PPP2R3B: variants seen among roughly 807,000 people sequenced by gnomAD.
PPP2R3B encodes the protein serine/threonine-protein phosphatase 2A regulatory subunit B'' subunit beta.
In PPP2R3B, 68 loss-of-function variants were observed where a neutral mutation model predicts 72.9. The ratio of observed to expected loss-of-function variants is 0.93; its 90% confidence interval spans 0.77 to 1.14. The LOEUF (loss-of-function observed/expected upper bound fraction) is 1.14. PPP2R3B is among the 50% of genes most tolerant of loss of function. PPP2R3B has a pLI of 0.00. For missense variants in PPP2R3B, 1,018 were observed against 842.0 expected, an observed-to-expected ratio of 1.21 and a Z score of -2.59; for synonymous variants, 466 against 375.8, an observed-to-expected ratio of 1.24 and a Z score of -2.78.
intron 10 of PPP2R3B, 123 bp downstream of exon 10, chrX:340,642 T>G: frequency 1.1e-5 from 1 of 89,812 alleles, no homozygotes; most frequent in Non-Finnish European, 1.5e-5. Flanking sequence ...CCGTCCCCTC[T>G]CCCTGGGCTG....
chrX:364,814 C>T (rs1379997965), intron 1 of PPP2R3B, among the ~76,000 whole-genome samples: 61 of 61,128 alleles, frequency 1.0e-3, no homozygotes, highest in Non-Finnish European at 8.3e-4. Context: ...ACACAGGAGG[C>T]GGAGGTTGCA....
rs1164720173 is a variant in PPP2R3B at position 341,350 on chromosome X, C to G, written c.1132G>C (p.Val378Leu). 1.2e-6 allele frequency: 2 copies of G among 1,612,566 alleles called. No individual in the cohort carries two copies. Among genetic ancestry groups the G allele is most frequent in the African/African-American group, 1.3e-5 (1 of 74,930 alleles). ...TCTTCCTCAGAGATCAAAAACCAGA[C>G]AAAGTCGGCATAGCTGATCTTCCCT... ...KEGKISYADFVWFLISEEDKK... is the reference protein window; with the variant it reads ...KEGKISYADFLWFLISEEDKK... The change falls in exon 9 of 13, where the codon GTC becomes CTC. Residue 378 changes from valine to leucine, a missense_variant. Transcript: ENST00000390665.
chrX:383,084 C>A (rs2072160229), intron 1 of PPP2R3B, among the ~76,000 whole-genome samples: 1 of 152,184 alleles, frequency 6.6e-6, no homozygotes, highest in Non-Finnish European at 1.5e-5. Context: ...GAGTCCCCTC[C>A]TGGATCGGGA....
At chrX:350,710 C>T (rs189711712) in intron 2 of PPP2R3B, among the ~76,000 whole-genome samples, 269 of 152,328 alleles carry the variant, frequency 1.8e-3, no homozygotes, top group East Asian at 1.2e-3. Context: ...CCAGGTCCCG[C>T]GAGGCTGCCA....
chrX:338,103 T>TG (rs2070939523), intron 12 of PPP2R3B: 1 of 178,794 alleles, frequency 5.6e-6, no homozygotes, highest in South Asian at 1.4e-4. Flanking sequence ...CGTCACAAAC[T>TG]GGGAAAAAGG....
intron 12 of PPP2R3B, chrX:336,830 G>A (rs1188579733): frequency 6.6e-6 from 1 of 152,140 alleles, no homozygotes; most frequent in East Asian, 1.9e-4. Flanking sequence ...TACACGGAAA[G>A]CTACAAAAAT....
At chrX:357,814 T>C (rs1226151691) in intron 2 of PPP2R3B, among the ~76,000 whole-genome samples, 1 of 152,146 alleles carries the variant, frequency 6.6e-6, no homozygotes, top group Non-Finnish European at 1.5e-5. Context: ...CTGATGACTC[T>C]GTCTCAAACG....
chrX:352,309 C>T (rs1339311374), intron 2 of PPP2R3B, among the ~76,000 whole-genome samples: 1 of 152,256 alleles, frequency 6.6e-6, no homozygotes, highest in Non-Finnish European at 1.5e-5. Flanking sequence ...CGGCGGCACG[C>T]CCACCCGCAC....
rs1182974036 is a variant in PPP2R3B at position 345,682 on chromosome X, G to A, written c.880-10C>T. On this transcript the variant is annotated splice_polypyrimidine_tract_variant and intron_variant, in intron 6 of 12. Coordinates refer to ENST00000390665, the MANE Select transcript of PPP2R3B (RefSeq NM_013239.5). Reference sequence around the variant, plus strand: ...CCAGCAGCGCCACATTCTGCCAAAGGACCCAGGCGGCCTGAGCGCGGGGCC... The same window carrying A: ...CCAGCAGCGCCACATTCTGCCAAAGAACCCAGGCGGCCTGAGCGCGGGGCC... 2 of 1,605,394 alleles carry A rather than the reference G, an allele frequency of 1.2e-6. No individual in the cohort carries two copies. Among genetic ancestry groups the A allele is most frequent in the Non-Finnish European group, 1.7e-6 (2 of 1,175,486 alleles).
chrX:385,790 T>TA (rs1265713087), intron 1 of PPP2R3B, among the ~76,000 whole-genome samples: 4 of 151,336 alleles, frequency 2.6e-5, no homozygotes, highest in East Asian at 3.9e-4. Context: ...GTAAAATAAA[T>TA]AAAAAACGGA....
At chrX:350,710 C>A (rs189711712) in intron 2 of PPP2R3B, among the ~76,000 whole-genome samples, 2 of 152,212 alleles carry the variant, frequency 1.3e-5, no homozygotes, top group African/African-American at 4.8e-5. Context: ...CCAGGTCCCG[C>A]GAGGCTGCCA....
chrX:346,335 G>T, intron 5 of PPP2R3B, 75 bp from the exon 6 acceptor site: 1 of 1,423,112 alleles, frequency 7.0e-7, no homozygotes, highest in Non-Finnish European at 9.6e-7. Context: ...ACCGGGAGCC[G>T]GGAGAGGGGC....
intron 1 of PPP2R3B, among the ~76,000 whole-genome samples, chrX:363,035 G>C (rs1222206827): frequency 2.6e-5 from 4 of 152,086 alleles, no homozygotes; most frequent in Non-Finnish European, 5.9e-5. Flanking sequence ...AGACTCAGTT[G>C]TTTTTCTCTG....
At chrX:370,423 CGT>C (rs2071833589) in intron 1 of PPP2R3B, among the ~76,000 whole-genome samples, 1 of 152,098 alleles carries the variant, frequency 6.6e-6, no homozygotes, top group Non-Finnish European at 1.5e-5. Context: ...TGCAGCGAGG[CGT>C]GAGTCTCCAC....
At chrX:346,113 G>A (rs2071204318) in intron 6 of PPP2R3B, 61 bp downstream of exon 6, 2 of 1,205,402 alleles carry the variant, frequency 1.7e-6, no homozygotes, top group East Asian at 2.8e-5. Flanking sequence ...GAAGGGAAGG[G>A]AGTGGAGGTA....
chrX:341,495 CGG>C, intron 8 of PPP2R3B, 99 bp from the exon 9 acceptor site: 2 of 1,300,178 alleles, frequency 1.5e-6, no homozygotes, highest in Non-Finnish European at 2.2e-6. Flanking sequence ...GGGAGCCCCC[CGG>C]GCCCGGCCCT....
At chrX:335,167 G>A (rs767201442) in intron 12 of PPP2R3B, 1 of 152,458 alleles carries the variant, frequency 6.6e-6, no homozygotes, top group South Asian at 2.1e-4. Context: ...AGCAGGCGTG[G>A]ACACGGTGAA....
At position 334,147 on chromosome X, in the gene PPP2R3B, C is replaced by T. The variant is rs1297256586; in HGVS notation, c.*220G>A. The stretch of plus-strand genomic sequence containing the variant: ...GCCAGAGGGTGTCCGTGTGGGAACC[C>T]GTCCCATTCACGCGCGGCCCTACGT... On this transcript the variant is annotated 3_prime_UTR_variant, in exon 13 of 13. Coordinates refer to ENST00000390665, the MANE Select transcript of PPP2R3B (RefSeq NM_013239.5). 16 of 453,860 alleles carry T rather than the reference C, an allele frequency of 3.5e-5. No homozygotes were observed. The highest frequency in any genetic ancestry group is 6.2e-5 in the African/African-American group (3 of 48,172). The allele number at this position is 453,860 out of a possible 1,614,324, so 28.1% of individuals were successfully genotyped here. A position where few individuals can be genotyped will look rare whatever the true frequency, so the allele number is the denominator to read the frequency against.
intron 12 of PPP2R3B, 110 bp downstream of exon 12, chrX:338,494 A>G (rs2738377): frequency 0.78 from 818,871 of 1,045,476 alleles, 324,344 homozygotes; most frequent in Middle Eastern, 0.85. Context: ...CACCTGACTG[A>G]CCCCGCATCC....
Sources: gnomAD v4.1 joint callset for allele counts (sites outside exome capture counted in the v4.1 genomes callset) on GRCh38, gnomAD v4.1.1 for gene constraint, MANE v1.5 for transcripts, NCBI Gene and HGNC (gene_info 2026-07-23, HGNC 2026-07-21) for gene names.